Variants in EPS15L1 observed in about 807,000 individuals in gnomAD.
EPS15L1 encodes epidermal growth factor receptor substrate 15-like 1.
Under a neutral mutation model 117.1 loss-of-function variants are expected in EPS15L1, and 43 were observed. The ratio of observed to expected loss-of-function variants is 0.37; its 90% CI spans 0.29 to 0.47. The LOEUF is 0.47. Among genes scored for constraint, EPS15L1 ranks in the 20% least tolerant of loss-of-function variants. The probability of loss-of-function intolerance (pLI) is 0.99; values close to 1 mark genes in which losing one functional copy is unlikely to be tolerated. For missense variants in EPS15L1, 981 were observed against 1,164.0 expected (o/e 0.84, Z 2.29); for synonymous variants, 459 against 470.5 (o/e 0.98, Z 0.32).
rs183350537 is a variant in EPS15L1 at position 16,439,996 on chromosome 19, G to A, written c.213+866C>T. On this transcript the variant is annotated intron_variant, in intron 4 of 23. Transcript: ENST00000455140. The stretch of plus-strand genomic sequence containing the variant: ...GGCATGAGAATCTTGTGAATCCAGA[G>A]GGCAGAGGCTGCAGTGAGCCAAGAT... 5.8e-3 allele frequency among the ~76,000 whole-genome samples: 842 copies of A among 144,132 alleles called. 6 individuals are homozygous for A. Among genetic ancestry groups the A allele is most frequent in the African/African-American group, 0.02 (786 of 38,748 alleles). The allele number at this position is 144,132 out of a possible 152,430, so 94.6% of individuals were successfully genotyped here.
chr19:16,380,878 G>A (rs1300193696), intron 21 of EPS15L1, among the ~76,000 whole-genome samples: 1 of 152,224 alleles, frequency 6.6e-6, no homozygotes, highest in Admixed American at 6.5e-5. Flanking sequence ...GAGATGCATC[G>A]ATCTGGGCTA....
chr19:16,438,935 C>A (rs891972984), intron 4 of EPS15L1, among the ~76,000 whole-genome samples: 1 of 152,154 alleles, frequency 6.6e-6, no homozygotes, highest in Non-Finnish European at 1.5e-5. Flanking sequence ...CCTGCCCACC[C>A]CCAGTGGCCT....
At chr19:16,428,810 G>A (rs2092902870) in intron 7 of EPS15L1, 49 bp from the exon 8 acceptor site, 4 of 1,483,594 alleles carry the variant, frequency 2.7e-6, no homozygotes, top group African/African-American at 1.4e-5. Context: ...AGGACTGGGT[G>A]AGAGTGAGAC....
chr19:16,408,637 G>A (rs2092679533), intron 13 of EPS15L1, among the ~76,000 whole-genome samples: 1 of 150,896 alleles, frequency 6.6e-6, no homozygotes, highest in Non-Finnish European at 1.5e-5. Flanking sequence ...TCCAGCCTGA[G>A]TGACAGTGAG....
chr19:16,465,184 G>A (rs1183901520), intron 1 of EPS15L1, among the ~76,000 whole-genome samples: 2 of 152,110 alleles, frequency 1.3e-5, no homozygotes, highest in African/African-American at 4.8e-5. Context: ...TGCAGCCATG[G>A]GTTGGACAAG....
Position 16,370,412 on chromosome 19 carries a change from T to C in EPS15L1, c.2380+6710A>G, listed in dbSNP as rs532665969. ...CCTCCCTCAGGTGCCAAGCAAGGGGTTGAGGTGTCCTGGAGGCAGGTACAC... is the reference window on the plus strand; with the variant it reads ...CCTCCCTCAGGTGCCAAGCAAGGGGCTGAGGTGTCCTGGAGGCAGGTACAC... On this transcript the variant is annotated intron_variant, in intron 22 of 23. Coordinates refer to ENST00000455140, the MANE Select transcript of EPS15L1 (RefSeq NM_001258374.3). This position sits in a 1 kb window ranked among gnomAD's most constrained non-coding sequence, Gnocchi z 5.2. 2.0e-3 allele frequency among the ~76,000 whole-genome samples: 310 copies of C among 152,032 alleles called. 2 individuals carry two copies. Among genetic ancestry groups the C allele is most frequent in the African/African-American group, 7.2e-3 (298 of 41,442 alleles).
chr19:16,387,756 ACT>A (rs1372763758), intron 19 of EPS15L1, among the ~76,000 whole-genome samples: 8 of 152,112 alleles, frequency 5.3e-5, no homozygotes, highest in Admixed American at 3.9e-4. Flanking sequence ...AAAGAGCGAG[ACT>A]CTGTCTCAAA....
chr19:16,436,696 C>G (rs888439460), intron 6 of EPS15L1: 19 of 438,184 alleles, frequency 4.3e-5, no homozygotes, highest in African/African-American at 3.6e-4. Flanking sequence ...CTTAGTTGTC[C>G]AGGTAGGCAA....
At chr19:16,356,337 G>A in intron 23 of EPS15L1, 1 of 158,538 alleles carries the variant, frequency 6.3e-6, no homozygotes, top group Admixed American at 6.0e-5. Context: ...TTTTGAGATG[G>A]AGTCTCGCTC....
rs142410927 is a variant in EPS15L1, at chr19:16,437,710, T to TAC, written c.309+58_309+59dup. The TAC allele has an allele frequency of 7.7e-4, 886 of 1,144,042 alleles. 1 individual carries two copies. The highest frequency in any genetic ancestry group is 8.7e-4 in the African/African-American group (56 of 64,310). The allele number at this position is 1,144,042 out of a possible 1,614,324, so 70.9% of individuals were successfully genotyped here. On this transcript the variant is annotated intron_variant, in intron 5 of 23. Transcript: ENST00000455140. ...ATACATGCACATACACACATGCACA[T>TAC]ACACACACACACACATCTGGTATTA...
At chr19:16,403,679 T>C in intron 15 of EPS15L1, 54 bp downstream of exon 15, 1 of 1,538,408 alleles carries the variant, frequency 6.5e-7, no homozygotes, top group Non-Finnish European at 8.9e-7. Flanking sequence ...CAGCCTCGGC[T>C]CTTGGGGCTC....
intron 12 of EPS15L1, among the ~76,000 whole-genome samples, chr19:16,414,805 G>A (rs2092742471): frequency 6.6e-6 from 1 of 151,694 alleles, no homozygotes; most frequent in South Asian, 2.1e-4. Flanking sequence ...GACTTCCTGG[G>A]CTCAAGCAAT....
intron 1 of EPS15L1, among the ~76,000 whole-genome samples, chr19:16,462,420 G>A (rs1300412602): frequency 1.3e-5 from 2 of 152,174 alleles, no homozygotes; most frequent in East Asian, 3.8e-4. Context: ...CAGCACTTTG[G>A]GGGGCCAAGG....
At chr19:16,418,138 A>G in intron 10 of EPS15L1, 34 bp from the exon 11 acceptor site, 1 of 1,585,100 alleles carries the variant, frequency 6.3e-7, no homozygotes, top group Non-Finnish European at 8.6e-7. Flanking sequence ...ATTACACATC[A>G]CAGGCGCCGA....
chr19:16,358,540 G>A (rs780557760), intron 23 of EPS15L1, among the ~76,000 whole-genome samples: 12 of 152,222 alleles, frequency 7.9e-5, no homozygotes, highest in South Asian at 2.1e-4. Flanking sequence ...CCGAGACACC[G>A]TAGGGGCATG....
rs1361545855 is a variant in EPS15L1, at chr19:16,381,877, G to C, written c.2247+3252C>G. Among the ~76,000 whole-genome samples, 1 of 152,252 alleles carries C rather than the reference G, an allele frequency of 6.6e-6. No homozygotes were observed. The highest frequency in any genetic ancestry group is 1.5e-5 in the Non-Finnish European group (1 of 68,040). On this transcript the variant is annotated intron_variant, in intron 21 of 23. Transcript: ENST00000455140. The surrounding 1 kb of genome is among the most constrained non-coding windows in gnomAD (Gnocchi z 4.2). ...TGGGGAGCCAAGCAGGTCTAGATGG[G>C]AAGTGGTGTGACCGGCTGGGCCTTG...
chr19:16,443,142 C>T (rs1278231797), intron 1 of EPS15L1, among the ~76,000 whole-genome samples: 3 of 152,074 alleles, frequency 2.0e-5, no homozygotes, highest in Admixed American at 6.5e-5. Context: ...ATGTAATAAG[C>T]GATAAAAGTG....
chr19:16,360,496 C>T (rs1354334305), intron 23 of EPS15L1, among the ~76,000 whole-genome samples: 1 of 152,012 alleles, frequency 6.6e-6, no homozygotes, highest in Non-Finnish European at 1.5e-5. Context: ...TCACGTGTAA[C>T]CCCAGTACTT....
chr19:16,390,503 A>G (rs1045834221), intron 19 of EPS15L1, among the ~76,000 whole-genome samples: 1 of 152,190 alleles, frequency 6.6e-6, no homozygotes, highest in Non-Finnish European at 1.5e-5. Context: ...AGGAACCTCA[A>G]CCTCACTGCC....
Sources: allele counts gnomAD v4.1 joint callset (sites outside exome capture counted in the v4.1 genomes callset), GRCh38; gene constraint gnomAD v4.1.1; non-coding constraint Gnocchi (gnomAD v3.1); transcripts MANE v1.5; gene names NCBI Gene and HGNC (gene_info 2026-07-23, HGNC 2026-07-21).